The following SRFBP1 variants were observed in gnomAD, a reference collection of about 807,000 sequenced individuals.
SRFBP1 encodes serum response factor binding protein 1, also known as serum response factor-binding protein 1.
In SRFBP1, 47 loss-of-function variants were observed where a neutral mutation model predicts 45.5. That is an observed-to-expected ratio of 1.03 (90% CI 0.82 to 1.32). The LOEUF (loss-of-function observed/expected upper bound fraction) is 1.32, where lower values mean the gene tolerates loss of function less well. Among genes scored for constraint, SRFBP1 ranks in the 40% most tolerant of loss-of-function variants. The pLI, the probability that SRFBP1 is intolerant of heterozygous loss-of-function variation, is 0.00. For synonymous variants in SRFBP1, 203 were observed against 166.3 expected (o/e 1.22, Z -1.70); for missense variants, 621 against 484.6 (o/e 1.28, Z -2.64).
chr5:122,047,562 A>G (rs1753887295), intron 2 of SRFBP1, among the ~76,000 whole-genome samples: 1 of 152,172 alleles, frequency 6.6e-6, no homozygotes, highest in Non-Finnish European at 1.5e-5. Flanking sequence ...ACTTTAAAGT[A>G]GTTTTTTCCA....
chr5:122,006,247 C>T (rs1044821993), intron 4 of SRFBP1, among the ~76,000 whole-genome samples: 2 of 152,042 alleles, frequency 1.3e-5, no homozygotes, highest in African/African-American at 4.8e-5. Context: ...TAGGCCTTTA[C>T]TGAGAAATTT....
chr5:121,974,181 C>G lies in SRFBP1; in HGVS notation c.37-15C>G. On this transcript the variant is annotated splice_polypyrimidine_tract_variant and intron_variant, in intron 1 of 7. Coordinates refer to ENST00000339397, the MANE Select transcript of SRFBP1 (RefSeq NM_152546.3). ...GTAAGTGCCTTTCTTCTAATTATTG[C>G]TTTATTCTTCAAAGGTTGTGAAGAT... 7 of 1,589,134 alleles carry G rather than the reference C, an allele frequency of 4.4e-6. No individual in the cohort carries two copies. Among genetic ancestry groups the G allele is most frequent in the Non-Finnish European group, 6.0e-6 (7 of 1,159,550 alleles).
intron 3 of SRFBP1, among the ~76,000 whole-genome samples, chr5:121,979,693 A>G (rs1206625970): frequency 6.6e-6 from 1 of 152,180 alleles, no homozygotes; most frequent in African/African-American, 2.4e-5. Flanking sequence ...CAGGAGAAGC[A>G]AGGAGAGAGA....
At chr5:122,062,385 A>G (rs1002806167) in intron 2 of SRFBP1, among the ~76,000 whole-genome samples, 1 of 152,072 alleles carries the variant, frequency 6.6e-6, no homozygotes, top group African/African-American at 2.4e-5. Flanking sequence ...GGTAAGGAGT[A>G]GAAGTATTAA....
At chr5:122,077,319 T>G (rs765838611), downstream of SRFBP1, 1 of 1,612,816 alleles carries the variant, frequency 6.2e-7, no homozygotes, top group Non-Finnish European at 8.5e-7. The surrounding 1 kb of genome is among the most constrained non-coding windows in gnomAD (Gnocchi z 4.9). Flanking sequence ...GGGGACCAGG[T>G]GCACGGGTGC....
At chr5:121,995,869 A>G (rs1225106812) in intron 4 of SRFBP1, among the ~76,000 whole-genome samples, 3 of 152,108 alleles carry the variant, frequency 2.0e-5, no homozygotes, top group African/African-American at 7.2e-5. Context: ...CTACCATCAG[A>G]GAATACTACA....
chr5:122,065,623 G>C (rs936489981), intron 2 of SRFBP1: 3 of 151,940 alleles, frequency 2.0e-5, no homozygotes, highest in South Asian at 4.2e-4. Flanking sequence ...ACACACACAT[G>C]TGTGACTGAT....
chr5:121,997,530 A>T (rs1460592253), intron 4 of SRFBP1, among the ~76,000 whole-genome samples: 4 of 151,800 alleles, frequency 2.6e-5, no homozygotes, highest in East Asian at 3.9e-4. Flanking sequence ...TGGATTAAAG[A>T]TTTAAACGTT....
intron 3 of SRFBP1, among the ~76,000 whole-genome samples, chr5:121,981,923 G>A (rs1041926158): frequency 6.6e-6 from 1 of 151,734 alleles, no homozygotes; most frequent in South Asian, 2.1e-4. Flanking sequence ...CTGATACATA[G>A]TGAACGCTGC....
chr5:122,032,034 T>C (rs190090013), downstream of SRFBP1, among the ~76,000 whole-genome samples: 5 of 152,288 alleles, frequency 3.3e-5, no homozygotes, highest in African/African-American at 9.6e-5. Context: ...ATGAATGTAT[T>C]CTGGAATTGG....
intron 2 of SRFBP1, chr5:122,070,627 T>G: frequency 9.1e-7 from 1 of 1,103,818 alleles, no homozygotes; most frequent in Non-Finnish European, 1.4e-6. Context: ...AATTATGGTA[T>G]GTGGTCAGAC....
intron 3 of SRFBP1, among the ~76,000 whole-genome samples, chr5:121,985,689 C>G (rs919532101): frequency 1.3e-5 from 2 of 151,808 alleles, no homozygotes; most frequent in Non-Finnish European, 2.9e-5. Flanking sequence ...ACTTCAGTAT[C>G]CATTCTTTCA....
At chr5:122,001,557 T>C (rs1752870764) in intron 4 of SRFBP1, among the ~76,000 whole-genome samples, 1 of 137,510 alleles carries the variant, frequency 7.3e-6, no homozygotes, top group South Asian at 2.4e-4. Context: ...TTTTTTTTTT[T>C]TTTTTTTTTT....
In SRFBP1 at chr5:121,978,377, A is replaced by T. The variant is rs555575108; in HGVS notation, c.198+2990A>T. Among the ~76,000 whole-genome samples, 3 of 152,320 alleles carry T rather than the reference A, an allele frequency of 2.0e-5. No individual in the cohort carries two copies. In the East Asian group the frequency reaches 5.8e-4, roughly 29 times the overall value. ...CACTTTCCTAGATATTGGAGGAGAT[A>T]ATTTAGTAAACATGAAACTTGCCAT... On this transcript the variant is annotated intron_variant, in intron 3 of 7. Transcript: ENST00000339397.
intron 2 of SRFBP1, among the ~76,000 whole-genome samples, chr5:122,048,481 A>T (rs1753904669): frequency 6.6e-6 from 1 of 152,212 alleles, no homozygotes; most frequent in Admixed American, 6.5e-5. Flanking sequence ...ATCAATGTTC[A>T]TCAAGGATAT....
chr5:122,077,781 G>T, downstream of SRFBP1: 1 of 1,548,936 alleles, frequency 6.5e-7, no homozygotes, highest in Non-Finnish European at 8.7e-7. This position sits in a 1 kb window ranked among gnomAD's most constrained non-coding sequence, Gnocchi z 4.9. Flanking sequence ...GGGTCCCGGC[G>T]GCGCTGAGGC....
chr5:122,019,343 T>TATGA lies in SRFBP1; in HGVS notation c.352+5_352+8dup, dbSNP rs533690081. The TATGA allele has an allele frequency of 7.7e-4, 1,234 of 1,608,160 alleles. 7 individuals are homozygous for TATGA. The African/African-American group carries it at 0.015, about 19-fold the overall frequency. On this transcript the variant is annotated splice_region_variant and intron_variant, in intron 5 of 7. Transcript: ENST00000339397. ...AGAAAAAGATAGATGTGCTAAAAGG[T>TATGA]ATGAATTAAATGACTTTTAAGCCAT...
At chr5:122,050,905 T>G (rs1368236723) in intron 2 of SRFBP1, among the ~76,000 whole-genome samples, 1 of 152,204 alleles carries the variant, frequency 6.6e-6, no homozygotes, top group Non-Finnish European at 1.5e-5. Flanking sequence ...TAAAATTCCC[T>G]GTTAACGCTG....
At chr5:121,994,545 A>T in intron 3 of SRFBP1, 54 bp from the exon 4 acceptor site, 2 of 1,180,332 alleles carry the variant, frequency 1.7e-6, no homozygotes, top group Non-Finnish European at 2.5e-6. Flanking sequence ...GAACTTAATA[A>T]TAGTGATAAA....
Sources: gnomAD v4.1 joint callset for allele counts (sites outside exome capture counted in the v4.1 genomes callset) on GRCh38, gnomAD v4.1.1 for gene constraint, Gnocchi (gnomAD v3.1) non-coding constraint, MANE v1.5 for transcripts, NCBI Gene and HGNC (gene_info 2026-07-23, HGNC 2026-07-21) for gene names.